GLCCI1: variants seen among roughly 807,000 people sequenced by gnomAD.
GLCCI1 encodes the protein glucocorticoid induced 1, also known as glucocorticoid-induced transcript 1 protein.
In GLCCI1, 24 loss-of-function variants were observed where a neutral mutation model predicts 52.2. The observed-to-expected ratio is 0.46, with a 90% CI of 0.33 to 0.65. GLCCI1 has a LOEUF of 0.65. Among genes scored for constraint, GLCCI1 ranks in the 30% least tolerant of loss-of-function variants. GLCCI1 has a pLI of 0.02. For missense variants in GLCCI1, 704 were observed against 701.5 expected (o/e 1.00, Z -0.04); for synonymous variants, 310 against 276.5 (o/e 1.12, Z -1.20).
chr7:8,071,206 C>CT (rs144884879), intron 6 of GLCCI1, 75 bp downstream of exon 6: 49,354 of 819,022 alleles, frequency 0.06, no homozygotes, highest in South Asian at 0.084. Context: ...ACCATTACAT[C>CT]TTTTTTTTTT....
intron 6 of GLCCI1, among the ~76,000 whole-genome samples, chr7:8,073,046 A>C (rs1004014249): frequency 2.6e-5 from 4 of 152,188 alleles, no homozygotes; most frequent in African/African-American, 9.6e-5. Context: ...CTAAATATGT[A>C]TAATCAATTT....
rs1281112479 is a variant in GLCCI1 at position 8,020,426 on chromosome 7, CTG to C, written c.610-2056_610-2055del. Among the ~76,000 whole-genome samples the C allele has an allele frequency of 5.3e-5, 8 of 152,090 alleles. No homozygotes were observed. The East Asian group carries it at 1.2e-3, about 22-fold the overall frequency. ...GTGTAAATAACACACTCTGAAATAA[CTG>C]AATAAGTTTTCATATTCATTTTTAA... is the stretch of plus-strand genomic sequence containing the variant. On this transcript the variant is annotated intron_variant, in intron 2 of 7. Transcript: ENST00000223145.
chr7:8,029,060 C>CA (rs1491538141), intron 3 of GLCCI1, among the ~76,000 whole-genome samples: 1 of 151,896 alleles, frequency 6.6e-6, no homozygotes, highest in Non-Finnish European at 1.5e-5. Flanking sequence ...AAAGCTTTTC[C>CA]AAAAAATGGA....
intron 3 of GLCCI1, among the ~76,000 whole-genome samples, chr7:8,026,828 C>A (rs1354535222): frequency 6.6e-6 from 1 of 152,168 alleles, no homozygotes; most frequent in Non-Finnish European, 1.5e-5. Context: ...ACAGACACCC[C>A]CTGTTTGCTG....
At chr7:8,039,599 T>G (rs1200498157) in intron 3 of GLCCI1, among the ~76,000 whole-genome samples, 1 of 152,076 alleles carries the variant, frequency 6.6e-6, no homozygotes, top group South Asian at 2.1e-4. Context: ...TACATGGACA[T>G]AGAGAGTAGA....
chr7:8,040,258 G>T (rs1475069543), intron 3 of GLCCI1, among the ~76,000 whole-genome samples: 1 of 152,046 alleles, frequency 6.6e-6, no homozygotes, highest in Admixed American at 6.5e-5. Context: ...GGCTGAGATG[G>T]AAGGATCTTT....
chr7:8,085,356 C>T (rs1031631124), intron 7 of GLCCI1, among the ~76,000 whole-genome samples: 2 of 152,182 alleles, frequency 1.3e-5, no homozygotes, highest in Non-Finnish European at 1.5e-5. Context: ...GTGTGACTAG[C>T]TTAAAGACAG....
At chr7:8,056,819 C>G (rs1562444536) in intron 4 of GLCCI1, among the ~76,000 whole-genome samples, 1 of 152,046 alleles carries the variant, frequency 6.6e-6, no homozygotes. Flanking sequence ...ACTGCAAATA[C>G]AGTAAGATCC....
At chr7:8,034,341 GTA>G (rs1479076939) in intron 3 of GLCCI1, among the ~76,000 whole-genome samples, 2 of 151,914 alleles carry the variant, frequency 1.3e-5, no homozygotes. Context: ...AATCTCAAGA[GTA>G]AAAGCCCTAA....
At chr7:8,073,500 T>TA (rs1328361720) in intron 6 of GLCCI1, among the ~76,000 whole-genome samples, 1 of 152,154 alleles carries the variant, frequency 6.6e-6, no homozygotes, top group Non-Finnish European at 1.5e-5. Flanking sequence ...TTTATATTCA[T>TA]CCTCTTGTTT....
At chr7:8,045,367 A>G (rs1782097819) in intron 3 of GLCCI1, among the ~76,000 whole-genome samples, 1 of 152,142 alleles carries the variant, frequency 6.6e-6, no homozygotes, top group Non-Finnish European at 1.5e-5. Flanking sequence ...TACCCAGAAA[A>G]AAGCCATGCA....
chr7:7,990,318 T>C (rs1583950892), intron 1 of GLCCI1, among the ~76,000 whole-genome samples: 1 of 152,152 alleles, frequency 6.6e-6, no homozygotes, highest in Non-Finnish European at 1.5e-5. Context: ...TTTGTGACTG[T>C]AGTCTGTATC....
chr7:8,050,601 AC>A (rs1458599352), intron 3 of GLCCI1, among the ~76,000 whole-genome samples: 1 of 152,218 alleles, frequency 6.6e-6, no homozygotes, highest in Non-Finnish European at 1.5e-5. Flanking sequence ...CAGAAAAAGT[AC>A]TTGAGTTAAT....
chr7:7,970,337 T>TGC (rs1780319054), intron 1 of GLCCI1: 1 of 152,078 alleles, frequency 6.6e-6, no homozygotes, highest in Non-Finnish European at 1.5e-5. Flanking sequence ...GAATGTACAA[T>TGC]TGAAGTGTAT....
chr7:8,013,430 T>C (rs896437081), intron 2 of GLCCI1, among the ~76,000 whole-genome samples: 1 of 152,234 alleles, frequency 6.6e-6, no homozygotes, highest in Non-Finnish European at 1.5e-5. Flanking sequence ...TGCTATACTA[T>C]ATACCATTAA....
At chr7:8,073,838 A>T (rs1439873973) in intron 6 of GLCCI1, among the ~76,000 whole-genome samples, 1 of 152,164 alleles carries the variant, frequency 6.6e-6, no homozygotes, top group Non-Finnish European at 1.5e-5. Flanking sequence ...CAGTTTCATA[A>T]TATCTACCAT....
chr7:8,019,758 G>C (rs530901002), intron 2 of GLCCI1, among the ~76,000 whole-genome samples: 1 of 152,256 alleles, frequency 6.6e-6, no homozygotes, highest in East Asian at 1.9e-4. Context: ...CTGTAACGTA[G>C]TGATATTTGT....
intron 1 of GLCCI1, among the ~76,000 whole-genome samples, chr7:7,983,093 A>G (rs959710626): frequency 1.3e-5 from 2 of 152,204 alleles, no homozygotes; most frequent in Admixed American, 6.5e-5. Context: ...TTAATGAAGT[A>G]CGTGTTGTAG....
intron 3 of GLCCI1, among the ~76,000 whole-genome samples, chr7:8,042,145 G>C (rs75623339): frequency 0.021 from 3,251 of 152,198 alleles, 128 homozygotes; most frequent in African/African-American, 0.074. Flanking sequence ...CAAAAGCTCC[G>C]ATGGGGATAT....
Sources: gnomAD v4.1 joint callset for allele counts (sites outside exome capture counted in the v4.1 genomes callset) on GRCh38, gnomAD v4.1.1 for gene constraint, MANE v1.5 for transcripts, NCBI Gene and HGNC (gene_info 2026-07-23, HGNC 2026-07-21) for gene names.